Variants in CCSER1 observed in about 807,000 individuals in gnomAD.
The protein encoded by CCSER1 is coiled-coil serine rich protein 1.
Under a neutral mutation model 82.0 loss-of-function variants are expected in CCSER1, and 41 were observed. The ratio of observed to expected loss-of-function variants is 0.50; its 90% CI spans 0.39 to 0.65. The LOEUF is 0.65. CCSER1 is among the 30% of genes least tolerant of loss of function. CCSER1 has a pLI of 0.00. For synonymous variants in CCSER1, 414 were observed against 383.9 expected (o/e 1.08, Z -0.92); for missense variants, 1,119 against 1,064.2 (o/e 1.05, Z -0.72).
chr4:91,105,886 T>A (rs963768104), intron 10 of CCSER1, among the ~76,000 whole-genome samples: 2 of 152,176 alleles, frequency 1.3e-5, no homozygotes, highest in East Asian at 3.9e-4. Flanking sequence ...GTTTTTGTTT[T>A]TTTTTCACTT....
At chr4:90,210,769 A>C (rs1578512859) in intron 1 of CCSER1, among the ~76,000 whole-genome samples, 1 of 152,198 alleles carries the variant, frequency 6.6e-6, no homozygotes, top group South Asian at 2.1e-4. Context: ...ATTTCTAATA[A>C]AATAAAAGAC....
At position 90,987,267 on chromosome 4, in the gene CCSER1, C is replaced by CT. The variant is rs535994207; in HGVS notation, c.2172+63826dup. On this transcript the variant is annotated intron_variant, in intron 9 of 10. Coordinates refer to ENST00000509176, the MANE Select transcript of CCSER1 (RefSeq NM_001145065.2). The stretch of plus-strand genomic sequence containing the variant: ...TCTAGTATTCAGAACAGTGTCTTCC[C>CT]TTTTTTATTTACTCTTTACCCATAG... Among the ~76,000 whole-genome samples, 84 of 151,002 alleles carry CT rather than the reference C, an allele frequency of 5.6e-4. 3 individuals carry two copies. The South Asian group carries it at 0.017, about 31-fold the overall frequency.
chr4:90,413,217 A>G (rs1755166673), intron 4 of CCSER1, among the ~76,000 whole-genome samples: 1 of 152,356 alleles, frequency 6.6e-6, no homozygotes, highest in Admixed American at 6.5e-5. Flanking sequence ...AACATAAAGT[A>G]AAATACTTAG....
intron 7 of CCSER1, among the ~76,000 whole-genome samples, chr4:90,745,678 C>CTTTTTTTTTTT (rs537380046): frequency 4.2e-5 from 3 of 72,238 alleles, no homozygotes; most frequent in South Asian, 6.4e-4. Flanking sequence ...TTTCTTTTAT[C>CTTTTTTTTTTT]TTTTTTTTTT....
intron 10 of CCSER1, among the ~76,000 whole-genome samples, chr4:91,407,723 G>C (rs1268797255): frequency 6.6e-6 from 1 of 152,016 alleles, no homozygotes; most frequent in Non-Finnish European, 1.5e-5. Context: ...AAGAGAGATG[G>C]GGAACCAGCT....
rs72603804 is a variant in CCSER1, at chr4:90,249,084, T to TC, written c.-41-59160_-41-59159insC. 1.9e-4 allele frequency among the ~76,000 whole-genome samples: 28 copies of TC among 151,274 alleles called. No homozygotes were observed. In the East Asian group the frequency reaches 5.5e-3, roughly 29 times the overall value. On this transcript the variant is annotated intron_variant, in intron 1 of 10. Coordinates refer to ENST00000509176, the MANE Select transcript of CCSER1 (RefSeq NM_001145065.2). ...TATAATTACAGGAAAATAAAATCAT[T>TC]TGTGGCAAAGACATGGCATACTTCT...
intron 9 of CCSER1, among the ~76,000 whole-genome samples, chr4:91,047,627 A>C (rs916936034): frequency 6.6e-5 from 10 of 152,076 alleles, no homozygotes; most frequent in African/African-American, 1.9e-4. Flanking sequence ...TAGTATTGTC[A>C]TTTAGATTTC....
chr4:91,422,218 CA>C (rs1049792055), intron 10 of CCSER1, among the ~76,000 whole-genome samples: 110 of 147,550 alleles, frequency 7.5e-4, no homozygotes, highest in African/African-American at 2.2e-3. Context: ...GTTACATCAG[CA>C]AAAAAAAAAC....
chr4:90,919,580 TG>T (rs1347150076), intron 8 of CCSER1, among the ~76,000 whole-genome samples: 1 of 151,928 alleles, frequency 6.6e-6, no homozygotes, highest in African/African-American at 2.4e-5. Flanking sequence ...AAAGGGAATG[TG>T]AGTACAGTTA....
intron 7 of CCSER1, among the ~76,000 whole-genome samples, chr4:90,792,608 G>A (rs1755413438): frequency 6.6e-6 from 1 of 152,162 alleles, no homozygotes; most frequent in Non-Finnish European, 1.5e-5. Flanking sequence ...TTGATGATGT[G>A]ACAGAATACA....
chr4:90,466,560 C>T (rs1310470185), intron 4 of CCSER1, among the ~76,000 whole-genome samples: 1 of 152,194 alleles, frequency 6.6e-6, no homozygotes. Context: ...TCAGGGAACC[C>T]AGTTGAGCCC....
chr4:90,793,960 C>T (rs973063096), intron 7 of CCSER1, among the ~76,000 whole-genome samples: 6 of 152,138 alleles, frequency 3.9e-5, no homozygotes. Context: ...GAATGTATGT[C>T]TTCTTTTTGA....
chr4:90,882,767 A>T (rs994269927), intron 8 of CCSER1, among the ~76,000 whole-genome samples: 1 of 151,996 alleles, frequency 6.6e-6, no homozygotes, highest in Non-Finnish European at 1.5e-5. Context: ...AAAAAAACAA[A>T]GCCAGGCTTC....
At chr4:91,567,806 G>T (rs1036175737) in intron 10 of CCSER1, among the ~76,000 whole-genome samples, 2 of 151,886 alleles carry the variant, frequency 1.3e-5, no homozygotes, top group Admixed American at 6.6e-5. Flanking sequence ...ACTGAGTCTT[G>T]CTTTCATACA....
At chr4:91,129,887 G>C (rs1294432744) in intron 10 of CCSER1, 2 of 152,090 alleles carry the variant, frequency 1.3e-5, no homozygotes, top group East Asian at 3.9e-4. Context: ...GAATTTTCAA[G>C]TTCTGGACAT....
At chr4:90,152,639 G>A (rs187621238) in intron 1 of CCSER1, among the ~76,000 whole-genome samples, 5 of 152,196 alleles carry the variant, frequency 3.3e-5, no homozygotes, top group Non-Finnish European at 5.9e-5. Context: ...AAAATGTAAC[G>A]TGTGTGTAGA....
intron 9 of CCSER1, among the ~76,000 whole-genome samples, chr4:91,082,396 T>A (rs535677691): frequency 6.6e-6 from 1 of 152,182 alleles, no homozygotes; most frequent in Non-Finnish European, 1.5e-5. Flanking sequence ...TTACACCTTA[T>A]ACAAAAATTA....
intron 9 of CCSER1, among the ~76,000 whole-genome samples, chr4:91,009,078 G>A (rs1738777069): frequency 6.6e-6 from 1 of 152,148 alleles, no homozygotes; most frequent in African/African-American, 2.4e-5. Flanking sequence ...TGGACACCCT[G>A]GGACAACCTG....
chr4:90,748,927 C>G (rs1748049489), intron 7 of CCSER1, among the ~76,000 whole-genome samples: 1 of 150,628 alleles, frequency 6.6e-6, no homozygotes, highest in South Asian at 2.1e-4. Context: ...ATTGTAGATT[C>G]TGGATATTAG....
Sources: allele counts gnomAD v4.1 joint callset (sites outside exome capture counted in the v4.1 genomes callset), GRCh38; gene constraint gnomAD v4.1.1; transcripts MANE v1.5; gene names NCBI Gene and HGNC (gene_info 2026-07-23, HGNC 2026-07-21).